The following EXOC6B variants were observed in gnomAD, a reference collection of about 807,000 sequenced individuals.
EXOC6B encodes the protein exocyst complex component 6B.
In EXOC6B, 54 loss-of-function variants were observed where a neutral mutation model predicts 113.5. The observed-to-expected ratio is 0.48, with a 90% CI of 0.38 to 0.60. The LOEUF (loss-of-function observed/expected upper bound fraction) is 0.60, where lower values mean the gene tolerates loss of function less well. EXOC6B is among the 20% of genes least tolerant of loss of function. EXOC6B has a pLI of 0.00. For synonymous variants in EXOC6B, 357 were observed against 339.0 expected (o/e 1.05, Z -0.58); for missense variants, 797 against 977.5 (o/e 0.82, Z 2.46).
intron 15 of EXOC6B, among the ~76,000 whole-genome samples, chr2:72,494,592 C>T (rs760925664): frequency 2.6e-5 from 4 of 151,960 alleles, no homozygotes; most frequent in Non-Finnish European, 5.9e-5. Context: ...TTCATACATA[C>T]ACTCATTAAA....
intron 6 of EXOC6B, among the ~76,000 whole-genome samples, chr2:72,697,751 A>G (rs995922385): frequency 6.6e-6 from 1 of 152,188 alleles, no homozygotes. Flanking sequence ...CCATAGTTCT[A>G]ATATTCTTTT....
At position 72,663,230 on chromosome 2, in the gene EXOC6B, T is replaced by G. The variant is rs1003982619; in HGVS notation, c.669+54873A>C. ...TAAACTATTGACACACACAATAATT[T>G]GGATTGATATCAGAGGTATTCTGCT... is the stretch of plus-strand genomic sequence containing the variant. On this transcript the variant is annotated intron_variant, in intron 6 of 21. Transcript: ENST00000272427. Among the ~76,000 whole-genome samples, 4 of 152,364 alleles carry G rather than the reference T, an allele frequency of 2.6e-5. No individual in the cohort carries two copies. In the South Asian group the frequency reaches 8.3e-4, roughly 32 times the overall value.
In EXOC6B at chr2:72,515,656, T is replaced by C. The variant is rs73943193; in HGVS notation, c.916-530A>G. On this transcript the variant is annotated intron_variant, in intron 8 of 21. Transcript: ENST00000272427. Reference sequence around the variant, plus strand: ...ACAAAAACAAAAGCATGAAGATTCCTGGTGCACAGCCCCACTTTTCGTTTA... The same window carrying C: ...ACAAAAACAAAAGCATGAAGATTCCCGGTGCACAGCCCCACTTTTCGTTTA... 2,206 of 989,484 alleles carry C rather than the reference T, an allele frequency of 2.2e-3. 41 individuals carry two copies. In the African/African-American group the frequency reaches 0.034, roughly 15 times the overall value. The allele number at this position is 989,484 out of a possible 1,614,324, so 61.3% of individuals were successfully genotyped here. A position where few individuals can be genotyped will look rare whatever the true frequency, so the allele number is the denominator to read the frequency against.
intron 8 of EXOC6B, among the ~76,000 whole-genome samples, chr2:72,538,526 T>C (rs1462890883): frequency 6.6e-6 from 1 of 152,186 alleles, no homozygotes; most frequent in African/African-American, 2.4e-5. Context: ...TTTTTGGCGA[T>C]GAGTCTTTGG....
chr2:72,216,204 G>C (rs1366513949), intron 20 of EXOC6B, among the ~76,000 whole-genome samples: 1 of 151,980 alleles, frequency 6.6e-6, no homozygotes, highest in Non-Finnish European at 1.5e-5. Context: ...GAAGCACAAA[G>C]GGAAGACTTA....
At chr2:72,233,918 A>G (rs1054157542) in intron 20 of EXOC6B, among the ~76,000 whole-genome samples, 4 of 151,226 alleles carry the variant, frequency 2.6e-5, no homozygotes, top group African/African-American at 4.9e-5. Context: ...CTTCTGGGTG[A>G]ACTCAGCTGG....
intron 1 of EXOC6B, among the ~76,000 whole-genome samples, chr2:72,780,877 A>G (rs1052271765): frequency 9.9e-5 from 15 of 152,228 alleles, no homozygotes; most frequent in African/African-American, 1.2e-4. Flanking sequence ...AAGCATTAAA[A>G]AGGATAAGAA....
At chr2:72,806,601 T>C (rs542241087) in intron 1 of EXOC6B, among the ~76,000 whole-genome samples, 1 of 152,336 alleles carries the variant, frequency 6.6e-6, no homozygotes, top group South Asian at 2.1e-4. Context: ...CTTTGAGAAA[T>C]CTCCAAACTA....
intron 20 of EXOC6B, among the ~76,000 whole-genome samples, chr2:72,279,208 C>G (rs1684979322): frequency 6.6e-6 from 1 of 152,156 alleles, no homozygotes; most frequent in South Asian, 2.1e-4. Flanking sequence ...CAGGGCTAAC[C>G]TGGATCTAGA....
At chr2:72,590,530 G>GTCCA (rs1237261780) in intron 6 of EXOC6B, among the ~76,000 whole-genome samples, 1 of 151,906 alleles carries the variant, frequency 6.6e-6, no homozygotes, top group Non-Finnish European at 1.5e-5. Context: ...GCCTAGCTTT[G>GTCCA]TCCACATTGA....
At chr2:72,672,405 C>T (rs1432368419) in intron 6 of EXOC6B, among the ~76,000 whole-genome samples, 1 of 151,512 alleles carries the variant, frequency 6.6e-6, no homozygotes, top group Non-Finnish European at 1.5e-5. Flanking sequence ...CTGAGGCAGG[C>T]GGATCACGAG....
chr2:72,265,574 G>A (rs1042899345), intron 20 of EXOC6B, among the ~76,000 whole-genome samples: 68 of 151,884 alleles, frequency 4.5e-4, no homozygotes, highest in African/African-American at 1.5e-3. Flanking sequence ...CCCTACAAAC[G>A]ACATGAACTC....
chr2:72,450,574 GTTTTAGGTAGTGATGTT>G (rs1483157642), intron 18 of EXOC6B, among the ~76,000 whole-genome samples: 1 of 152,192 alleles, frequency 6.6e-6, no homozygotes, highest in Admixed American at 6.5e-5. Flanking sequence ...TGGTTTGGTA[GTTTTAGGTAGTGATGTT>G]TTTTAATCAA....
At chr2:72,222,714 T>A (rs184547350) in intron 20 of EXOC6B, among the ~76,000 whole-genome samples, 1 of 152,314 alleles carries the variant, frequency 6.6e-6, no homozygotes, top group East Asian at 1.9e-4. Context: ...ACATGGGTCA[T>A]TTTTGTGGAA....
At chr2:72,488,484 T>C (rs940176928) in intron 16 of EXOC6B, among the ~76,000 whole-genome samples, 2 of 152,128 alleles carry the variant, frequency 1.3e-5, no homozygotes, top group Non-Finnish European at 2.9e-5. Flanking sequence ...TCTCAACCTA[T>C]ATGTCTAATA....
At chr2:72,367,479 T>G (rs768798632) in intron 19 of EXOC6B, among the ~76,000 whole-genome samples, 19 of 152,196 alleles carry the variant, frequency 1.2e-4, no homozygotes, top group Non-Finnish European at 1.8e-4. Context: ...TATGATTACA[T>G]CATTTGTCTG....
chr2:72,803,120 C>A (rs1217892458), intron 1 of EXOC6B, among the ~76,000 whole-genome samples: 1 of 152,006 alleles, frequency 6.6e-6, no homozygotes, highest in Non-Finnish European at 1.5e-5. Flanking sequence ...GGATAAAGAC[C>A]CCAAGCATAT....
chr2:72,591,437 G>A (rs1705952152), intron 6 of EXOC6B, among the ~76,000 whole-genome samples: 1 of 151,976 alleles, frequency 6.6e-6, no homozygotes, highest in African/African-American at 2.4e-5. Context: ...CCCTTTGAAT[G>A]GCATCATATT....
chr2:72,788,935 G>C (rs1430529999), intron 1 of EXOC6B, among the ~76,000 whole-genome samples: 2 of 152,150 alleles, frequency 1.3e-5, no homozygotes, highest in African/African-American at 4.8e-5. Flanking sequence ...CCTCATGTCA[G>C]CTTTTTCTCT....
Sources: gnomAD v4.1 joint callset for allele counts (sites outside exome capture counted in the v4.1 genomes callset) on GRCh38, gnomAD v4.1.1 for gene constraint, MANE v1.5 for transcripts, NCBI Gene and HGNC (gene_info 2026-07-23, HGNC 2026-07-21) for gene names.